The following GALNT9 variants were observed in gnomAD, a reference collection of about 807,000 sequenced individuals.
GALNT9 encodes the protein GalNAc transferase 9.
Under a neutral mutation model 63.1 loss-of-function variants are expected in GALNT9, and 47 were observed. That is an observed-to-expected ratio of 0.75 (90% CI 0.59 to 0.95). The LOEUF (loss-of-function observed/expected upper bound fraction) is 0.95. GALNT9 is among the 40% of genes least tolerant of loss of function. The pLI is 0.00. For synonymous variants in GALNT9, 396 were observed against 365.7 expected (o/e 1.08, Z -0.94); for missense variants, 829 against 874.8 (o/e 0.95, Z 0.66).
intron 2 of GALNT9, chr12:132,274,363 C>T (rs1412989081): frequency 1.3e-5 from 2 of 152,512 alleles, no homozygotes; most frequent in Non-Finnish European, 2.9e-5. Flanking sequence ...CCACACACGC[C>T]CTCACCCTTC....
In GALNT9 at chr12:132,297,179, A is replaced by T. The variant is rs552522203; in HGVS notation, c.239-10749T>A. On this transcript the variant is annotated intron_variant, in intron 1 of 10. Transcript: ENST00000328957. ...CCCAAACTCACTCCCATGATAACCA[A>T]CTCACTCCCACAATAACCAACTCAC... Among the ~76,000 whole-genome samples, 34 of 150,916 alleles carry T rather than the reference A, an allele frequency of 2.3e-4. No individual in the cohort carries two copies. In the South Asian group the frequency reaches 6.5e-3, roughly 29 times the overall value.
intron 1 of GALNT9, among the ~76,000 whole-genome samples, chr12:132,311,860 CAG>C (rs1489418609): frequency 1.3e-5 from 2 of 152,218 alleles, no homozygotes; most frequent in Non-Finnish European, 2.9e-5. Context: ...CTACAGCAGG[CAG>C]AGTGTCCCAC....
chr12:132,215,129 C>T (rs1056906994), intron 6 of GALNT9, among the ~76,000 whole-genome samples: 6 of 152,232 alleles, frequency 3.9e-5, no homozygotes, highest in African/African-American at 7.2e-5. Context: ...GGTTTCCAGA[C>T]GCCGGGTCTC....
chr12:132,260,946 A>G lies in GALNT9; in HGVS notation c.761+2T>C. The stretch of plus-strand genomic sequence containing the variant: ...GGCTGTCCAGCCTGTTCCGGCCCTT[A>G]CCAGCCCGTGTTGAACTCGACGTGG... On this transcript the variant is annotated splice_donor_variant, in intron 4 of 10. Coordinates refer to ENST00000328957, the MANE Select transcript of GALNT9 (RefSeq NM_001122636.2). LOFTEE classifies it high-confidence loss of function. 6.5e-7 allele frequency: 1 copy of G among 1,537,274 alleles called. No homozygotes were observed. Among genetic ancestry groups the G allele is most frequent in the Non-Finnish European group, 8.8e-7 (1 of 1,141,740 alleles).
At position 132,315,212 on chromosome 12, in the gene GALNT9, C is replaced by T. The variant is rs782284492; in HGVS notation, c.238+13754G>A. Among the ~76,000 whole-genome samples, 1 of 151,900 alleles carries T rather than the reference C, an allele frequency of 6.6e-6. No homozygotes were observed. The highest frequency in any genetic ancestry group is 2.4e-5 in the African/African-American group (1 of 41,322). On this transcript the variant is annotated intron_variant, in intron 1 of 10. Coordinates refer to ENST00000328957, the MANE Select transcript of GALNT9 (RefSeq NM_001122636.2). This position sits in a 1 kb window ranked among gnomAD's most constrained non-coding sequence, Gnocchi z 6.1. ...CTAAGATAATCAGGGTGGCCTCCCCCGTGTCCACTGCAAAGTGCTGGAGCC... is the reference window on the plus strand; with the variant it reads ...CTAAGATAATCAGGGTGGCCTCCCCTGTGTCCACTGCAAAGTGCTGGAGCC...
At chr12:132,275,706 A>G (rs1235826081) in intron 2 of GALNT9, 4 of 152,310 alleles carry the variant, frequency 2.6e-5, no homozygotes, top group African/African-American at 9.6e-5. Context: ...TGAAACCCAC[A>G]TAATGCAAGT....
In GALNT9 at chr12:132,310,492, G is replaced by A. The variant is rs28690866; in HGVS notation, c.238+18474C>T. 0.38 allele frequency among the ~76,000 whole-genome samples: 57,127 copies of A among 151,942 alleles called. 11,704 individuals are homozygous for A. Among genetic ancestry groups the A allele is most frequent in the African/African-American group, 0.55 (22,951 of 41,388 alleles). ...GGCTGAGAGCCCTCCGGGAAAGCAG[G>A]CATTTCTGCCGGCTTCCTCTGTGTC... is the stretch of plus-strand genomic sequence containing the variant. On this transcript the variant is annotated intron_variant, in intron 1 of 10. Transcript: ENST00000328957. This position sits in a 1 kb window ranked among gnomAD's most constrained non-coding sequence, Gnocchi z 4.8.
At position 132,246,012 on chromosome 12, in the gene GALNT9, C is replaced by T. The variant is rs1319434132; in HGVS notation, c.1077+1898G>A. On this transcript the variant is annotated intron_variant, in intron 6 of 10. Transcript: ENST00000328957. This position sits in a 1 kb window ranked among gnomAD's most constrained non-coding sequence, Gnocchi z 4.7. ...GGCTGTCCTCCTCGTCTCTGCGGTG[C>T]GTTCCATCCCTCTGAGGGCCTCGGC... is the stretch of plus-strand genomic sequence containing the variant. Among the ~76,000 whole-genome samples, 2 of 152,238 alleles carry T rather than the reference C, an allele frequency of 1.3e-5. No homozygotes were observed. Among genetic ancestry groups the T allele is most frequent in the Admixed American group, 6.5e-5 (1 of 15,292 alleles).
At chr12:132,312,211 T>C (rs1881838812) in intron 1 of GALNT9, among the ~76,000 whole-genome samples, 2 of 152,266 alleles carry the variant, frequency 1.3e-5, no homozygotes, top group Non-Finnish European at 2.9e-5. Context: ...CTGAGACTAA[T>C]ACAGCGTTTG....
At chr12:132,205,582 G>A (rs1382387685) in intron 6 of GALNT9, 1 of 152,342 alleles carries the variant, frequency 6.6e-6, no homozygotes, top group Non-Finnish European at 1.5e-5. Flanking sequence ...TCCTTCCCCG[G>A]GATGGTGGAG....
chr12:132,307,682 A>AAAT (rs1881663917), intron 1 of GALNT9, among the ~76,000 whole-genome samples: 1 of 151,466 alleles, frequency 6.6e-6, no homozygotes, highest in South Asian at 2.1e-4. Flanking sequence ...AAAAAAAAAA[A>AAAT]AAATAGTTGG....
intron 1 of GALNT9, among the ~76,000 whole-genome samples, chr12:132,317,734 C>T (rs1566023571): frequency 6.6e-6 from 1 of 152,228 alleles, no homozygotes; most frequent in Non-Finnish European, 1.5e-5. Flanking sequence ...GCCCCACCTT[C>T]GGGCCCCTCC....
rs546222872 is a variant in GALNT9, at chr12:132,281,394, C to T, written c.419+4856G>A. Among the ~76,000 whole-genome samples the T allele has an allele frequency of 2.9e-3, 441 of 152,302 alleles. 1 individual carries two copies. The highest frequency in any genetic ancestry group is 5.1e-3 in the Non-Finnish European group (345 of 68,010). On this transcript the variant is annotated intron_variant, in intron 2 of 10. Coordinates refer to ENST00000328957, the MANE Select transcript of GALNT9 (RefSeq NM_001122636.2). ...CATTCGAGCTTCTCAGCCACGTGTG[C>T]AGGGGTGGGCTGGGTGTGGGAGTGT...
At chr12:132,201,624 G>C (rs956035476) in intron 7 of GALNT9, among the ~76,000 whole-genome samples, 2 of 136,400 alleles carry the variant, frequency 1.5e-5, no homozygotes, top group Non-Finnish European at 3.2e-5. Context: ...GGAGGGTGGA[G>C]ACTGAGGTCA....
At chr12:132,243,826 C>T (rs1027682869) in intron 6 of GALNT9, among the ~76,000 whole-genome samples, 3 of 152,166 alleles carry the variant, frequency 2.0e-5, no homozygotes, top group Non-Finnish European at 4.4e-5. Context: ...CCCAGCCCAC[C>T]CGTCAATCAC....
chr12:132,260,986 G>C lies in GALNT9; in HGVS notation c.723C>G (p.Val241=). The change falls in exon 4 of 11, where the codon GTC becomes GTG. Residue 241 remains valine (V), a synonymous_variant. Coordinates refer to ENST00000328957, the MANE Select transcript of GALNT9 (RefSeq NM_001122636.2). The part of the protein sequence containing the change: ...QGWKAATAPV[V]GFFDAHVEFN... The stretch of plus-strand genomic sequence containing the variant: ...ACTCGACGTGGGCATCAAAGAAGCC[G>C]ACGACTGGGGCGGTGGCCGCCTTCC... 6.5e-7 allele frequency: 1 copy of C among 1,547,872 alleles called. No homozygotes were observed. Among genetic ancestry groups the C allele is most frequent in the Non-Finnish European group, 8.7e-7 (1 of 1,145,888 alleles).
intron 6 of GALNT9, among the ~76,000 whole-genome samples, chr12:132,228,579 C>G (rs1189431061): frequency 4.6e-5 from 7 of 151,932 alleles, no homozygotes; most frequent in Non-Finnish European, 8.8e-5. Flanking sequence ...AACCCACCCC[C>G]TTGGAGAATT....
intron 1 of GALNT9, among the ~76,000 whole-genome samples, chr12:132,306,528 C>G (rs1388841605): frequency 6.6e-6 from 1 of 152,202 alleles, no homozygotes; most frequent in Non-Finnish European, 1.5e-5. Flanking sequence ...AAGGCGAAGT[C>G]AGTTCGGACA....
chr12:132,255,817 C>T (rs1465083788), intron 5 of GALNT9, among the ~76,000 whole-genome samples: 8 of 152,142 alleles, frequency 5.3e-5, no homozygotes, highest in Admixed American at 2.6e-4. Flanking sequence ...GGGCACCGGC[C>T]GCGATGACAA....
Sources: gnomAD v4.1 joint callset for allele counts (sites outside exome capture counted in the v4.1 genomes callset) on GRCh38, gnomAD v4.1.1 for gene constraint, Gnocchi (gnomAD v3.1) non-coding constraint, MANE v1.5 for transcripts, NCBI Gene and HGNC (gene_info 2026-07-23, HGNC 2026-07-21) for gene names.